Variants in ZNF385D observed in about 807,000 individuals in gnomAD.
ZNF385D encodes zinc finger protein 659.
A neutral mutation model predicts 35.8 loss-of-function variants in ZNF385D; 15 were observed. That is an observed-to-expected ratio of 0.42 (90% CI 0.28 to 0.64). The LOEUF is 0.64. Among genes scored for constraint, ZNF385D ranks in the 30% least tolerant of loss-of-function variants. ZNF385D has a pLI of 0.23. For missense variants in ZNF385D, 474 were observed against 494.6 expected (o/e 0.96, Z 0.39); for synonymous variants, 212 against 186.8 (o/e 1.13, Z -1.10).
At chr3:21,587,424 C>A (rs928567277) in intron 2 of ZNF385D, among the ~76,000 whole-genome samples, 9 of 152,080 alleles carry the variant, frequency 5.9e-5, no homozygotes, top group African/African-American at 2.2e-4. Context: ...GTCAGCAATA[C>A]CTTTTTGAAA....
chr3:22,171,408 G>C (rs1382400678), intron 2 of ZNF385D, among the ~76,000 whole-genome samples: 1 of 152,140 alleles, frequency 6.6e-6, no homozygotes, highest in African/African-American at 2.4e-5. Context: ...TTACACATGA[G>C]AAATTCCCTG....
intron 3 of ZNF385D, among the ~76,000 whole-genome samples, chr3:21,805,713 A>G (rs1037377853): frequency 2.0e-5 from 3 of 152,174 alleles, no homozygotes; most frequent in African/African-American, 4.8e-5. Flanking sequence ...GAGTATAGCA[A>G]CACTGACAAG....
intron 3 of ZNF385D, among the ~76,000 whole-genome samples, chr3:21,830,060 G>T (rs1396292068): frequency 6.6e-6 from 1 of 152,008 alleles, no homozygotes; most frequent in Admixed American, 6.5e-5. Flanking sequence ...GGAGGCAGAG[G>T]TTGCAGTGGC....
chr3:21,893,451 T>C (rs770806830), intron 3 of ZNF385D, among the ~76,000 whole-genome samples: 8 of 152,110 alleles, frequency 5.3e-5, no homozygotes, highest in Non-Finnish European at 8.8e-5. Flanking sequence ...GGTCTGGGAA[T>C]TAGCACATGA....
chr3:21,864,772 T>C (rs1370063286), intron 3 of ZNF385D, among the ~76,000 whole-genome samples: 1 of 152,092 alleles, frequency 6.6e-6, no homozygotes, highest in Non-Finnish European at 1.5e-5. Flanking sequence ...ATTCTATTCA[T>C]TGTCTCTTCT....
At chr3:22,148,560 A>C (rs1460483440) in intron 3 of ZNF385D, among the ~76,000 whole-genome samples, 2 of 152,216 alleles carry the variant, frequency 1.3e-5, no homozygotes, top group African/African-American at 4.8e-5. Flanking sequence ...GTATATGAGT[A>C]AACAAGTGAA....
At chr3:22,329,372 ATC>A (rs1277044868) in intron 2 of ZNF385D, among the ~76,000 whole-genome samples, 3 of 152,190 alleles carry the variant, frequency 2.0e-5, no homozygotes, top group Admixed American at 6.5e-5. Context: ...CTCCAGAGGA[ATC>A]TACATCAGTT....
intron 3 of ZNF385D, among the ~76,000 whole-genome samples, chr3:22,063,986 C>T (rs762291811): frequency 3.3e-5 from 5 of 152,210 alleles, no homozygotes; most frequent in Non-Finnish European, 5.9e-5. Flanking sequence ...AATACAGTTG[C>T]TGTAAGCAAA....
chr3:21,763,733 G>C (rs373841408), intron 3 of ZNF385D, among the ~76,000 whole-genome samples: 8 of 152,222 alleles, frequency 5.3e-5, no homozygotes, highest in South Asian at 2.1e-4. Flanking sequence ...GTGATGCTGA[G>C]AAATATGTAG....
rs187938938 is a variant in ZNF385D at position 21,941,826 on chromosome 3, A to T, written c.325+226991T>A. Among the ~76,000 whole-genome samples the T allele has an allele frequency of 5.3e-5, 8 of 152,128 alleles. No homozygotes were observed. In the East Asian group the frequency reaches 1.2e-3, roughly 22 times the overall value. On this transcript the variant is annotated intron_variant, in intron 3 of 5. Coordinates refer to the ZNF385D transcript ENST00000494108. Reference sequence around the variant, plus strand: ...TAATTTCTGTGTTATGGCCCACCTCATTCTACAATTAATTTGAGGCAACTA... The same window carrying T: ...TAATTTCTGTGTTATGGCCCACCTCTTTCTACAATTAATTTGAGGCAACTA...
chr3:22,115,965 T>C (rs936297084), intron 3 of ZNF385D, among the ~76,000 whole-genome samples: 18 of 152,062 alleles, frequency 1.2e-4, no homozygotes, highest in African/African-American at 4.3e-4. Context: ...ACTTCCAAAC[T>C]GAAGCTGGAA....
intron 3 of ZNF385D, among the ~76,000 whole-genome samples, chr3:21,878,482 AT>A (rs1698098030): frequency 6.6e-6 from 1 of 152,014 alleles, no homozygotes; most frequent in South Asian, 2.1e-4. Context: ...AGAAAAGTGT[AT>A]CATACGTTGA....
At position 22,215,454 on chromosome 3, in the gene ZNF385D, G is replaced by A. The variant is rs534674966; in HGVS notation, c.107-46419C>T. 2.6e-5 allele frequency among the ~76,000 whole-genome samples: 4 copies of A among 152,052 alleles called. No homozygotes were observed. In the Admixed American group the frequency reaches 2.6e-4, roughly 10 times the overall value. ...GGCCTCTAAAATGGCTGCTTCAGGG[G>A]GCGGCCGTCTTTTATGGTCGAGCTG... On this transcript the variant is annotated intron_variant, in intron 2 of 5. Transcript: ENST00000494108.
intron 3 of ZNF385D, among the ~76,000 whole-genome samples, chr3:22,000,524 C>G (rs1695773144): frequency 6.6e-6 from 1 of 151,986 alleles, no homozygotes; most frequent in Admixed American, 6.5e-5. Flanking sequence ...AATGGGCAAC[C>G]AACAGCCCTT....
At chr3:21,989,661 T>G (rs4390953) in intron 3 of ZNF385D, among the ~76,000 whole-genome samples, 10,512 of 149,532 alleles carry the variant, frequency 0.07, 1,194 homozygotes, top group African/African-American at 0.24. Flanking sequence ...ACATCATGTT[T>G]TCTTTCCACA....
chr3:21,456,222 C>T (rs560260570), intron 4 of ZNF385D, among the ~76,000 whole-genome samples: 1 of 152,228 alleles, frequency 6.6e-6, no homozygotes, highest in African/African-American at 2.4e-5. Context: ...TTGACCCAGC[C>T]ATCCCATTAC....
At chr3:21,432,057 T>C (rs1238867111) in intron 5 of ZNF385D, among the ~76,000 whole-genome samples, 1 of 152,166 alleles carries the variant, frequency 6.6e-6, no homozygotes, top group East Asian at 1.9e-4. Context: ...TTTTTTTCAT[T>C]TGTAAAAAGA....
chr3:21,420,429 G>A lies in ZNF385D; in HGVS notation c.*785C>T, dbSNP rs1700685631. On this transcript the variant is annotated 3_prime_UTR_variant, in exon 8 of 8. Transcript: ENST00000281523. ...CCCTGTTTCCAGCAATATATCTTCA[G>A]GGTGGGAAGTTACTACTTTATAAGA... The A allele has an allele frequency of 6.6e-6, 1 of 152,146 alleles. No individual in the cohort carries two copies. Among genetic ancestry groups the A allele is most frequent in the African/African-American group, 2.4e-5 (1 of 41,444 alleles). The allele number at this position is 152,146 out of a possible 1,614,324, so 9.4% of individuals were successfully genotyped here.
In ZNF385D at chr3:21,816,131, C is replaced by T. The variant is rs1055554925; in HGVS notation, c.326-151103G>A. On this transcript the variant is annotated intron_variant, in intron 3 of 5. Transcript: ENST00000494108. ...AAGGCCTTTGACAAAATTCAACAGCCCTTCATGCTAAAAACTCTCAATAAA... is the reference window on the plus strand; with the variant it reads ...AAGGCCTTTGACAAAATTCAACAGCTCTTCATGCTAAAAACTCTCAATAAA... 2.0e-5 allele frequency among the ~76,000 whole-genome samples: 3 copies of T among 152,202 alleles called. No individual in the cohort carries two copies. In the South Asian group the frequency reaches 6.2e-4, roughly 32 times the overall value.
Sources: allele counts gnomAD v4.1 joint callset (sites outside exome capture counted in the v4.1 genomes callset), GRCh38; gene constraint gnomAD v4.1.1; transcripts MANE v1.5; gene names NCBI Gene and HGNC (gene_info 2026-07-23, HGNC 2026-07-21).